ABHD16A: variants seen among roughly 807,000 people sequenced by gnomAD.
ABHD16A encodes the protein phosphatidylserine lipase ABHD16A.
ABHD16A carries 47 observed loss-of-function variants against 89.8 expected under a neutral mutation model. The ratio of observed to expected loss-of-function variants is 0.52; its 90% CI spans 0.41 to 0.67. The LOEUF is 0.67. Among genes scored for constraint, ABHD16A ranks in the 30% least tolerant of loss-of-function variants. The pLI is 0.00. For synonymous variants in ABHD16A, 251 were observed against 280.4 expected (o/e 0.90, Z 1.05); for missense variants, 580 against 734.6 (o/e 0.79, Z 2.43).
At chr6:31,689,955 C>T in intron 11 of ABHD16A, 123 bp downstream of exon 11, 2 of 1,248,842 alleles carry the variant, frequency 1.6e-6, no homozygotes, top group Non-Finnish European at 2.2e-6. Flanking sequence ...CCTCCTAGAC[C>T]CCAGCCCTCA....
chr6:31,689,473 C>T lies in ABHD16A; in HGVS notation c.1081+108G>A, dbSNP rs1289948700. On this transcript the variant is annotated intron_variant, in intron 12 of 19. Transcript: ENST00000395952. ...GGCCCACTCAGAGATTCTACTTCCT[C>T]TCTCTTCTTCCTTGAGCCTCCACCC... The T allele has an allele frequency of 3.6e-6, 5 of 1,381,452 alleles. No homozygotes were observed. In the South Asian group the frequency reaches 4.7e-5, roughly 13 times the overall value. The allele number at this position is 1,381,452 out of a possible 1,614,324, so 85.6% of individuals were successfully genotyped here. A position where few individuals can be genotyped will look rare whatever the true frequency, so the allele number is the denominator to read the frequency against.
At chr6:31,694,353 G>C (rs556552808) in intron 5 of ABHD16A, among the ~76,000 whole-genome samples, 1 of 147,572 alleles carries the variant, frequency 6.8e-6, no homozygotes, top group East Asian at 2.0e-4. Context: ...CACCTCACCA[G>C]CTCCACGTTT....
chr6:31,702,117 T>C lies in ABHD16A; in HGVS notation c.146A>G (p.Gln49Arg). 1 of 1,613,118 alleles carries C rather than the reference T, an allele frequency of 6.2e-7. No homozygotes were observed. Among genetic ancestry groups the C allele is most frequent in the Non-Finnish European group, 8.5e-7 (1 of 1,180,036 alleles). ...PHSSSWDTYY[Q>R]PRALEKHADS... ...AGCATGTTTCTCCAGGGCACGGGGC[T>C]GATAGTACGTATCCTGCCAAAACAG... Residue 49 changes from glutamine to arginine, a missense_variant, in exon 2 of 20, where the codon CAG (glutamine) becomes CGG (arginine). Transcript: ENST00000395952.
Position 31,687,368 on chromosome 6 carries a change from C to A in ABHD16A, c.1594-73G>T. 3.8e-6 allele frequency: 6 copies of A among 1,595,350 alleles called. No individual in the cohort carries two copies. The highest frequency in any genetic ancestry group is 5.2e-6 in the Non-Finnish European group (6 of 1,164,640). On this transcript the variant is annotated intron_variant, in intron 19 of 19. Coordinates refer to ENST00000395952, the MANE Select transcript of ABHD16A (RefSeq NM_021160.3). This position sits in a 1 kb window ranked among gnomAD's most constrained non-coding sequence, Gnocchi z 6.3. Reference sequence around the variant, plus strand: ...GGGCAGCCACTGGACTCCCTCCCCACCCTCCACTTCCGCATCCACCACCCA... The same window carrying A: ...GGGCAGCCACTGGACTCCCTCCCCAACCTCCACTTCCGCATCCACCACCCA...
Position 31,691,813 on chromosome 6 carries a change from C to T in ABHD16A, c.732G>A (p.Leu244=), listed in dbSNP as rs766868139. Residue 244 remains leucine (L), a synonymous_variant, in exon 8 of 20, where the codon CTG becomes CTA. Coordinates refer to ENST00000395952, the MANE Select transcript of ABHD16A (RefSeq NM_021160.3). ...MPVLLQGQAR[L]VEECNGRRAK... is the part of the protein sequence containing the mutation. The stretch of plus-strand genomic sequence containing the variant: ...GGCAGGGAAGCCTCACCTCTTCCAC[C>T]AGTCGGGCCTGGCCCTGCAGCAGCA... 7 of 1,608,944 alleles carry T rather than the reference C, an allele frequency of 4.4e-6. No individual in the cohort carries two copies. In the African/African-American group the frequency reaches 6.7e-5, roughly 15 times the overall value.
At position 31,688,482 on chromosome 6, in the gene ABHD16A, C is replaced by T. The variant is rs1803525473; in HGVS notation, c.1251-177G>A. On this transcript the variant is annotated intron_variant, in intron 14 of 19. Coordinates refer to ENST00000395952, the MANE Select transcript of ABHD16A (RefSeq NM_021160.3). This position sits in a 1 kb window ranked among gnomAD's most constrained non-coding sequence, Gnocchi z 4.9. The stretch of plus-strand genomic sequence containing the variant: ...ATTTAAGGGGCATGGTTCAGTCTGG[C>T]CCTGCTGGGAGACCCCTGCCGTGCC... 4 of 802,084 alleles carry T rather than the reference C, an allele frequency of 5.0e-6. No homozygotes were observed. Among genetic ancestry groups the T allele is most frequent in the African/African-American group, 3.5e-5 (2 of 57,656 alleles). The allele number at this position is 802,084 out of a possible 1,614,324, so 49.7% of individuals were successfully genotyped here.
At position 31,688,750 on chromosome 6, in the gene ABHD16A, T is replaced by A; in HGVS notation, c.1223A>T (p.Asn408Ile). The A allele has an allele frequency of 6.2e-7, 1 of 1,613,014 alleles. No homozygotes were observed. Among genetic ancestry groups the A allele is most frequent in the Non-Finnish European group, 8.5e-7 (1 of 1,180,008 alleles). The change falls in exon 14 of 20, where the codon AAT becomes ATT. Residue 408 changes from asparagine to isoleucine, a missense_variant. Around this residue, in one of 2 missense-constraint regions of ABHD16A, gnomAD observed 415 missense variants for 568.8 expected, o/e 0.73. Transcript: ENST00000395952. The surrounding 1 kb of genome is among the most constrained non-coding windows in gnomAD (Gnocchi z 4.9). ...GCACAGCTGCTCCGCGTTGTTTAGA[T>A]TGAGATGCTGCCTCACGGTCCTGGT... ...LVTRTVRQHL[N>I]LNNAEQLCRY...
In ABHD16A at chr6:31,690,745, T is replaced by C; in HGVS notation, c.844-143A>G. The C allele has an allele frequency of 1.4e-6, 1 of 725,112 alleles. No homozygotes were observed. Among genetic ancestry groups the C allele is most frequent in the Non-Finnish European group, 2.4e-6 (1 of 419,788 alleles). 44.9% of individuals were successfully genotyped at this position (725,112 alleles called of 1,614,324 possible). ...GTTTTCTCCAAGGGGAATGGAAGCT[T>C]CTCATTCCACAGGGTCCATAAGAGG... On this transcript the variant is annotated intron_variant, in intron 9 of 19. Coordinates refer to ENST00000395952, the MANE Select transcript of ABHD16A (RefSeq NM_021160.3). This position sits in a 1 kb window ranked among gnomAD's most constrained non-coding sequence, Gnocchi z 4.1.
rs370951628 is a variant in ABHD16A, at chr6:31,693,130, G to T, written c.523C>A (p.Pro175Thr). 1 of 1,613,672 alleles carries T rather than the reference G, an allele frequency of 6.2e-7. No homozygotes were observed. The highest frequency in any genetic ancestry group is 8.5e-7 in the Non-Finnish European group (1 of 1,179,818). Residue 175 changes from proline (P) to threonine (T), a missense_variant, in exon 7 of 20, where the codon CCT (proline) becomes ACT (threonine). Coordinates refer to ENST00000395952, the MANE Select transcript of ABHD16A (RefSeq NM_021160.3). The surrounding 1 kb of genome is among the most constrained non-coding windows in gnomAD (Gnocchi z 5.0). ...AGCAGGGCCACACCCCGGCGGGAAG[G>T]GCCCCCTCGAGACTCCTTCCTGAGG... is the stretch of plus-strand genomic sequence containing the variant. ...PSSRKESRGG[P>T]SRRGVALLRP...
chr6:31,695,560 C>T (rs1218700278), intron 5 of ABHD16A, among the ~76,000 whole-genome samples: 1 of 151,822 alleles, frequency 6.6e-6, no homozygotes, highest in Non-Finnish European at 1.5e-5. Context: ...CCCATCTCTA[C>T]TAAAAATACA....
chr6:31,701,109 C>T, intron 3 of ABHD16A, 81 bp from the exon 4 acceptor site: 1 of 1,377,782 alleles, frequency 7.3e-7, no homozygotes, highest in Non-Finnish European at 1.0e-6. Context: ...CAACCTCCAC[C>T]CCACACTCCC....
intron 5 of ABHD16A, among the ~76,000 whole-genome samples, chr6:31,694,058 T>C (rs1312360505): frequency 8.0e-6 from 1 of 125,022 alleles, no homozygotes; most frequent in African/African-American, 3.3e-5. Flanking sequence ...TCCACATGCC[T>C]TTTTTTTTTT....
chr6:31,703,250 G>C lies in ABHD16A; in HGVS notation c.32C>G (p.Pro11Arg). Reference sequence around the variant, plus strand: ...CTCCCGGTAGATTTTGTAGAGCCGGGGGCCTAGGACGCAGCTCAGCAGCTT... The same window carrying C: ...CTCCCGGTAGATTTTGTAGAGCCGGCGGCCTAGGACGCAGCTCAGCAGCTT... MAKLLSCVLG[P>R]RLYKIYRERD... Residue 11 changes from proline to arginine, a missense_variant, in exon 1 of 20, where the codon CCC becomes CGC. Pro to Arg is a moderately radical substitution (Grantham distance 103). Around this residue, in one of 2 missense-constraint regions of ABHD16A, gnomAD observed 165 missense variants for 165.8 expected, o/e 1.00. Coordinates refer to ENST00000395952, the MANE Select transcript of ABHD16A (RefSeq NM_021160.3). The C allele has an allele frequency of 7.0e-7, 1 of 1,419,144 alleles. No individual in the cohort carries two copies. The allele number at this position is 1,419,144 out of a possible 1,614,324, so 87.9% of individuals were successfully genotyped here.
intron 1 of ABHD16A, 173 bp downstream of exon 1, chr6:31,702,977 C>T: frequency 7.5e-7 from 1 of 1,339,896 alleles, no homozygotes; most frequent in Non-Finnish European, 9.6e-7. Flanking sequence ...AAGGAGGCGG[C>T]CAGTCCGTAG....
chr6:31,702,973 G>A, intron 1 of ABHD16A, 177 bp downstream of exon 1: 1 of 1,333,846 alleles, frequency 7.5e-7, no homozygotes, highest in South Asian at 2.1e-5. Context: ...AAGAAAGGAG[G>A]CGGCCAGTCC....
rs1344659667 is a variant in ABHD16A, at chr6:31,690,252, TAGG to T, written c.908-128_908-126del. ...AAATAACTCCAAGCCTTCCCAGAAA[TAGG>T]AGATGACACCAGAGGTTCTGAGGCA... On this transcript the variant is annotated intron_variant, in intron 10 of 19. Coordinates refer to ENST00000395952, the MANE Select transcript of ABHD16A (RefSeq NM_021160.3). The surrounding 1 kb of genome is among the most constrained non-coding windows in gnomAD (Gnocchi z 4.1). 14 of 932,344 alleles carry T rather than the reference TAGG, an allele frequency of 1.5e-5. No homozygotes were observed. In the African/African-American group the frequency reaches 2.2e-4, roughly 15 times the overall value. The allele number at this position is 932,344 out of a possible 1,614,324, so 57.8% of individuals were successfully genotyped here. A position where few individuals can be genotyped will look rare whatever the true frequency, so the allele number is the denominator to read the frequency against.
chr6:31,694,387 C>CTTGTTTTTTTTT (rs1804194210), intron 5 of ABHD16A, among the ~76,000 whole-genome samples: 1 of 77,720 alleles, frequency 1.3e-5, no homozygotes, highest in Non-Finnish European at 2.3e-5. Context: ...GGAGCTGTGT[C>CTTGTTTTTTTTT]TTTTTTTTTT....
At position 31,687,451 on chromosome 6, in the gene ABHD16A, G is replaced by A. The variant is rs775861511; in HGVS notation, c.1593+47C>T. 1 of 1,612,662 alleles carries A rather than the reference G, an allele frequency of 6.2e-7. No individual in the cohort carries two copies. Among genetic ancestry groups the A allele is most frequent in the East Asian group, 2.2e-5 (1 of 44,876 alleles). On this transcript the variant is annotated intron_variant, in intron 19 of 19. Transcript: ENST00000395952. This position sits in a 1 kb window ranked among gnomAD's most constrained non-coding sequence, Gnocchi z 6.3. ...GGGTATCCCCAGTCCCCCTATGTGA[G>A]CCCTGGCCATTCAAGAACCCTTCCC... is the stretch of plus-strand genomic sequence containing the variant.
intron 4 of ABHD16A, 33 bp downstream of exon 4, chr6:31,700,909 A>G (rs764650537): frequency 1.3e-6 from 2 of 1,564,414 alleles, no homozygotes; most frequent in South Asian, 1.1e-5. Flanking sequence ...ACAGTGACAG[A>G]TAAGATTCAA....
Sources: allele counts gnomAD v4.1 joint callset (sites outside exome capture counted in the v4.1 genomes callset), GRCh38; gene constraint gnomAD v4.1.1; regional missense constraint gnomAD v4.1.1; non-coding constraint Gnocchi (gnomAD v3.1); transcripts MANE v1.5; gene names NCBI Gene and HGNC (gene_info 2026-07-23, HGNC 2026-07-21).